The following PSMD12 variants were observed in gnomAD, a reference collection of about 807,000 sequenced individuals.
The protein encoded by PSMD12 is 26S proteasome non-ATPase regulatory subunit 12.
A neutral mutation model predicts 62.9 loss-of-function variants in PSMD12; 8 were observed. That is an observed-to-expected ratio of 0.13 (90% CI 0.07 to 0.23). PSMD12 has a LOEUF of 0.23. Ranked by LOEUF, PSMD12 falls within the 10% of genes least tolerant of loss-of-function variation. PSMD12 has a pLI of 1.00. For missense variants in PSMD12, 424 were observed against 550.2 expected (o/e 0.77, Z 2.29); for synonymous variants, 173 against 187.4 (o/e 0.92, Z 0.63).
chr17:67,351,252 C>T (rs1270597700), intron 3 of PSMD12, among the ~76,000 whole-genome samples: 2 of 151,848 alleles, frequency 1.3e-5, no homozygotes, highest in East Asian at 1.9e-4. Context: ...ATTAACCAGG[C>T]GTGGTGGCGG....
intron 1 of PSMD12, among the ~76,000 whole-genome samples, chr17:67,358,567 CA>C (rs398039153): frequency 0.27 from 19,646 of 73,064 alleles, 591 homozygotes; most frequent in Middle Eastern, 0.41. Flanking sequence ...GAACCTGTCT[CA>C]AAAAAAAAAA....
At chr17:67,347,535 A>T in intron 5 of PSMD12, 50 bp from the exon 6 acceptor site, 1 of 1,510,858 alleles carries the variant, frequency 6.6e-7, no homozygotes, top group Non-Finnish European at 9.0e-7. Flanking sequence ...CAATTTTGTG[A>T]ATTGCAATAA....
chr17:67,362,560 G>A (rs1347067995), intron 1 of PSMD12, among the ~76,000 whole-genome samples: 3 of 139,166 alleles, frequency 2.2e-5, no homozygotes, highest in Admixed American at 1.4e-4. Context: ...TACTGGGGAC[G>A]CCGAGGCAGG....
chr17:67,366,401 CCT>C lies in PSMD12; in HGVS notation c.108+9_108+10del, dbSNP rs765474339. The stretch of plus-strand genomic sequence containing the variant: ...CTGGCGCCCGCCAACAGCCAGCCGG[CCT>C]CTCCTCACCTTGGCTAGCTTCGCAC... On this transcript the variant is annotated intron_variant, in intron 1 of 10. Coordinates refer to ENST00000356126, the MANE Select transcript of PSMD12 (RefSeq NM_002816.5). The C allele has an allele frequency of 1.4e-5, 22 of 1,605,048 alleles. No individual in the cohort carries two copies. Among genetic ancestry groups the C allele is most frequent in the Non-Finnish European group, 8.5e-7 (1 of 1,174,426 alleles).
intron 8 of PSMD12, among the ~76,000 whole-genome samples, chr17:67,345,192 A>G (rs1226953980): frequency 2.0e-5 from 3 of 152,254 alleles, no homozygotes; most frequent in African/African-American, 4.8e-5. Context: ...AAAAGCTGCA[A>G]ATGTAGACCT....
chr17:67,345,690 C>G lies in PSMD12; in HGVS notation c.908+55G>C, dbSNP rs2041958365. 41 of 1,472,996 alleles carry G rather than the reference C, an allele frequency of 2.8e-5. 1 individual carries two copies. In the South Asian group the frequency reaches 3.9e-4, roughly 14 times the overall value. The allele number at this position is 1,472,996 out of a possible 1,614,324, so 91.2% of individuals were successfully genotyped here. A position where few individuals can be genotyped will look rare whatever the true frequency, so the allele number is the denominator to read the frequency against. ...GTATACACTTAGGTTAGCCAATTTT[C>G]TTTCAAAATGGTGTTTCGACTGAGA... On this transcript the variant is annotated intron_variant, in intron 8 of 10. Transcript: ENST00000356126.
chr17:67,347,328 A>T lies in PSMD12; in HGVS notation c.660+8T>A. 1.2e-6 allele frequency: 2 copies of T among 1,613,488 alleles called. No homozygotes were observed. Among genetic ancestry groups the T allele is most frequent in the South Asian group, 1.1e-5 (1 of 91,064 alleles). On this transcript the variant is annotated splice_region_variant and intron_variant, in intron 6 of 10. Coordinates refer to ENST00000356126, the MANE Select transcript of PSMD12 (RefSeq NM_002816.5). ...TTAAAGTAAACATGTGGTCACAGAT[A>T]TGCTCACCTCTGTATTTTCTTCCTG...
chr17:67,345,728 AT>A lies in PSMD12; in HGVS notation c.908+16del, dbSNP rs758673970. ...GTTTCGACTGAGATATATCATGCTAATTTCAAAAGTACTTACTTGTATTTGG... is the reference window on the plus strand; with the variant it reads ...GTTTCGACTGAGATATATCATGCTAATTCAAAAGTACTTACTTGTATTTGG... On this transcript the variant is annotated intron_variant, in intron 8 of 10. Transcript: ENST00000356126. The A allele has an allele frequency of 1.3e-6, 2 of 1,573,712 alleles. No individual in the cohort carries two copies. The highest frequency in any genetic ancestry group is 1.7e-6 in the Non-Finnish European group (2 of 1,145,018).
chr17:67,345,981 G>A, intron 7 of PSMD12, 124 bp from the exon 8 acceptor site: 1 of 840,850 alleles, frequency 1.2e-6, no homozygotes. Context: ...CGGGCGCAGT[G>A]GCTCACGTCT....
intron 9 of PSMD12, among the ~76,000 whole-genome samples, chr17:67,344,320 A>G (rs1269166815): frequency 6.6e-6 from 1 of 152,200 alleles, no homozygotes; most frequent in Non-Finnish European, 1.5e-5. Context: ...TCTTTTCTGA[A>G]AAGCCAAAAA....
chr17:67,351,138 T>TC (rs2042013187), intron 3 of PSMD12, among the ~76,000 whole-genome samples: 1 of 152,096 alleles, frequency 6.6e-6, no homozygotes, highest in Non-Finnish European at 1.5e-5. Flanking sequence ...ACACCTGTAA[T>TC]CCCAGCACTC....
intron 1 of PSMD12, 46 bp downstream of exon 1, chr17:67,366,366 G>T: frequency 1.9e-6 from 3 of 1,555,362 alleles, no homozygotes; most frequent in Non-Finnish European, 8.8e-7. Flanking sequence ...TCCGCGCCGT[G>T]ACTCAGCCCC....
chr17:67,344,837 T>C (rs2041949295), intron 8 of PSMD12, 57 bp from the exon 9 acceptor site: 8 of 1,345,960 alleles, frequency 5.9e-6, no homozygotes, highest in African/African-American at 1.5e-5. Context: ...TATTAACTAA[T>C]ATAATAGCAA....
intron 3 of PSMD12, among the ~76,000 whole-genome samples, chr17:67,355,088 G>GTT (rs2042055146): frequency 7.2e-6 from 1 of 138,288 alleles, no homozygotes; most frequent in Non-Finnish European, 1.6e-5. Context: ...GCATATTTTT[G>GTT]GTTTTTTTTT....
chr17:67,366,367 A>G, intron 1 of PSMD12, 45 bp downstream of exon 1: 2 of 1,555,932 alleles, frequency 1.3e-6, no homozygotes. Context: ...CCGCGCCGTG[A>G]CTCAGCCCCT....
chr17:67,346,110 A>G (rs1203190291), intron 7 of PSMD12, among the ~76,000 whole-genome samples: 1 of 151,494 alleles, frequency 6.6e-6, no homozygotes, highest in Non-Finnish European at 1.5e-5. Context: ...AAAAAAAATT[A>G]GGCCGGGCAC....
Position 67,348,628 on chromosome 17 carries a change from T to C in PSMD12, c.432A>G (p.Arg144=). ...GKIYVEIERA[R]LTKTLATIKE... is the part of the protein sequence containing the mutation. ...TTATAGTTGCTAATGTTTTAGTCAG[T>C]CGCGCACGCTCAATTTCAACATAAA... is the stretch of plus-strand genomic sequence containing the variant. The change falls in exon 5 of 11, where the codon CGA becomes CGG. Residue 144 remains arginine, a synonymous_variant. Coordinates refer to ENST00000356126, the MANE Select transcript of PSMD12 (RefSeq NM_002816.5). 6.2e-7 allele frequency: 1 copy of C among 1,612,168 alleles called. No homozygotes were observed. The highest frequency in any genetic ancestry group is 8.5e-7 in the Non-Finnish European group (1 of 1,179,680).
At chr17:67,364,713 T>C (rs1453785403) in intron 1 of PSMD12, among the ~76,000 whole-genome samples, 2 of 152,250 alleles carry the variant, frequency 1.3e-5, no homozygotes, top group African/African-American at 4.8e-5. Flanking sequence ...AATAGTATTT[T>C]AATATGACAG....
intron 1 of PSMD12, among the ~76,000 whole-genome samples, chr17:67,363,808 G>A (rs1225013558): frequency 2.6e-5 from 4 of 152,170 alleles, no homozygotes; most frequent in Non-Finnish European, 4.4e-5. Context: ...CCAGCACTTT[G>A]GGAGGCAGAG....
Sources: allele counts gnomAD v4.1 joint callset (sites outside exome capture counted in the v4.1 genomes callset), GRCh38; gene constraint gnomAD v4.1.1; transcripts MANE v1.5; gene names NCBI Gene and HGNC (gene_info 2026-07-23, HGNC 2026-07-21).